Variants in PEMT observed in about 807,000 individuals in gnomAD.
The protein encoded by PEMT is phosphatidylethanolamine N-methyltransferase.
A neutral mutation model predicts 27.4 loss-of-function variants in PEMT; 23 were observed. The observed-to-expected ratio is 0.84, with a 90% CI of 0.60 to 1.19. PEMT has a LOEUF of 1.19. Among genes scored for constraint, PEMT ranks in the 50% most tolerant of loss-of-function variants. The pLI is 0.00. For missense variants in PEMT, 307 were observed against 310.1 expected (o/e 0.99, Z 0.07); for synonymous variants, 137 against 139.1 (o/e 0.98, Z 0.11).
chr17:17,541,862 G>T (rs1908910578), intron 2 of PEMT, among the ~76,000 whole-genome samples: 1 of 152,232 alleles, frequency 6.6e-6, no homozygotes, highest in African/African-American at 2.4e-5. Flanking sequence ...TGGCCCCAAG[G>T]CTAAAACGAC....
intron 2 of PEMT, among the ~76,000 whole-genome samples, chr17:17,543,140 C>T (rs565877192): frequency 3.3e-5 from 5 of 152,366 alleles, no homozygotes; most frequent in South Asian, 2.1e-4. Flanking sequence ...CATCTGCTTC[C>T]GATCCCCAGG....
intron 1 of PEMT, 110 bp downstream of exon 1, chr17:17,591,421 G>A (rs918054647): frequency 8.8e-6 from 8 of 906,266 alleles, no homozygotes; most frequent in African/African-American, 8.6e-5. Flanking sequence ...CCCATTGCCT[G>A]GGAACTGGCG....
chr17:17,522,149 G>A lies in PEMT; in HGVS notation c.320+131C>T, dbSNP rs1163709334. On this transcript the variant is annotated intron_variant, in intron 3 of 6. Transcript: ENST00000255389. ...AGGGGTAGGGTGGCTTGCTGTGGCA[G>A]GTGGCTTTGAGAGCTAACCCCTGAG... The A allele has an allele frequency of 1.4e-5, 9 of 664,822 alleles. No individual in the cohort carries two copies. In the Admixed American group the frequency reaches 1.7e-4, roughly 12 times the overall value. The allele number at this position is 664,822 out of a possible 1,614,324, so 41.2% of individuals were successfully genotyped here.
At chr17:17,556,401 T>C (rs1910057364) in intron 2 of PEMT, among the ~76,000 whole-genome samples, 1 of 150,508 alleles carries the variant, frequency 6.6e-6, no homozygotes, top group Non-Finnish European at 1.5e-5. Flanking sequence ...TTAGACGGAG[T>C]CTCGCTCTGT....
In PEMT at chr17:17,522,363, C is replaced by T. The variant is rs144611285; in HGVS notation, c.237G>A (p.Leu79=). Residue 79 remains leucine (L), a synonymous_variant, in exon 3 of 7, where the codon CTG becomes CTA. Transcript: ENST00000255389. ...VARWEHKTRK[L]SRAFGSPYLA... ...GGTAGGGGGATCCGAAGGCCCTGCTCAGCTTGCGGGTCTTGTGTTCCCATC... is the reference window on the plus strand; with the variant it reads ...GGTAGGGGGATCCGAAGGCCCTGCTTAGCTTGCGGGTCTTGTGTTCCCATC... The T allele has an allele frequency of 1.9e-6, 3 of 1,613,524 alleles. No homozygotes were observed. Among genetic ancestry groups the T allele is most frequent in the African/African-American group, 1.3e-5 (1 of 74,790 alleles).
At chr17:17,565,753 G>C (rs1910787346) in intron 2 of PEMT, among the ~76,000 whole-genome samples, 1 of 152,252 alleles carries the variant, frequency 6.6e-6, no homozygotes, top group African/African-American at 2.4e-5. Flanking sequence ...AGAGAAAGGG[G>C]CCGCCAGCTA....
In PEMT at chr17:17,512,503, T is replaced by C; in HGVS notation, c.466+6A>G. The C allele has an allele frequency of 2.5e-6, 4 of 1,586,226 alleles. No homozygotes were observed. Among genetic ancestry groups the C allele is most frequent in the East Asian group, 2.3e-5 (1 of 43,412 alleles). ...CTCAGGGTCACCCCAGCCCTCAGGG[T>C]CTTACCTAGGAAAGTTCCAGCGAAC... On this transcript the variant is annotated splice_donor_region_variant and intron_variant, in intron 4 of 6. Coordinates refer to ENST00000255389, the MANE Select transcript of PEMT (RefSeq NM_148172.3). The surrounding 1 kb of genome is among the most constrained non-coding windows in gnomAD (Gnocchi z 6.3).
intron 1 of PEMT, among the ~76,000 whole-genome samples, chr17:17,588,730 C>T (rs1199952482): frequency 6.6e-6 from 1 of 152,220 alleles, no homozygotes; most frequent in Non-Finnish European, 1.5e-5. Context: ...CTAGGCCCTA[C>T]TGGAGTCATC....
intron 3 of PEMT, among the ~76,000 whole-genome samples, chr17:17,516,123 C>T (rs980032547): frequency 2.0e-5 from 3 of 152,144 alleles, no homozygotes; most frequent in Non-Finnish European, 4.4e-5. Context: ...GTCTCCGCAA[C>T]GTCGTCCACA....
rs922133460 is a variant in PEMT, at chr17:17,582,686, G to A, written c.97-5659C>T. ...GGCACCATAAGCTGACTCGGGTAACGTTTATTTAGGGCAACTTTGGGTTAG... is the reference window on the plus strand; with the variant it reads ...GGCACCATAAGCTGACTCGGGTAACATTTATTTAGGGCAACTTTGGGTTAG... On this transcript the variant is annotated intron_variant, in intron 1 of 6. Coordinates refer to ENST00000255389, the MANE Select transcript of PEMT (RefSeq NM_148172.3). This position sits in a 1 kb window ranked among gnomAD's most constrained non-coding sequence, Gnocchi z 4.9. 3.3e-5 allele frequency among the ~76,000 whole-genome samples: 5 copies of A among 152,198 alleles called. No homozygotes were observed. The highest frequency in any genetic ancestry group is 7.3e-5 in the Non-Finnish European group (5 of 68,040).
At chr17:17,591,308 C>T (rs889019858) in intron 1 of PEMT, 8 of 550,372 alleles carry the variant, frequency 1.5e-5, no homozygotes, top group Admixed American at 6.7e-5. Context: ...GCCCCCGTCT[C>T]TGACACACGC....
intron 3 of PEMT, chr17:17,518,266 C>A: frequency 1.8e-6 from 1 of 570,678 alleles, no homozygotes; most frequent in African/African-American, 2.0e-5. Context: ...CCGTTCGAGC[C>A]CTGCCTGGCC....
At chr17:17,519,862 A>G (rs1597881822) in intron 3 of PEMT, among the ~76,000 whole-genome samples, 1 of 152,322 alleles carries the variant, frequency 6.6e-6, no homozygotes, top group African/African-American at 2.4e-5. Context: ...GGCTCCATCA[A>G]GGCAGCTGCC....
intron 2 of PEMT, 125 bp from the exon 3 acceptor site, chr17:17,522,520 A>G: frequency 1.5e-6 from 1 of 671,882 alleles, no homozygotes; most frequent in Non-Finnish European, 2.7e-6. Context: ...AAGAAGAATT[A>G]CACGGGAGCA....
At chr17:17,563,394 C>T (rs926121300) in intron 2 of PEMT, among the ~76,000 whole-genome samples, 1 of 152,108 alleles carries the variant, frequency 6.6e-6, no homozygotes, top group African/African-American at 2.4e-5. Context: ...CCGCAGGGGC[C>T]CCCTCTCAGC....
At chr17:17,550,428 G>C (rs1015929074) in intron 2 of PEMT, among the ~76,000 whole-genome samples, 1 of 152,200 alleles carries the variant, frequency 6.6e-6, no homozygotes, top group African/African-American at 2.4e-5. Flanking sequence ...TGGGTGTCAA[G>C]GGGTGTGTGC....
rs915792560 is a variant in PEMT, at chr17:17,576,886, C to T, written c.204+34G>A. Reference sequence around the variant, plus strand: ...GTGGGGCTCACCAAGCAGTGAGATACTCCCGTCTGGACAGTGTCAGGCACA... The same window carrying T: ...GTGGGGCTCACCAAGCAGTGAGATATTCCCGTCTGGACAGTGTCAGGCACA... On this transcript the variant is annotated intron_variant, in intron 2 of 6. Coordinates refer to ENST00000255389, the MANE Select transcript of PEMT (RefSeq NM_148172.3). 6 of 1,555,004 alleles carry T rather than the reference C, an allele frequency of 3.9e-6. No individual in the cohort carries two copies. The African/African-American group carries it at 8.1e-5, about 21-fold the overall frequency.
At chr17:17,539,471 T>C (rs774345584) in intron 2 of PEMT, among the ~76,000 whole-genome samples, 1 of 152,206 alleles carries the variant, frequency 6.6e-6, no homozygotes, top group African/African-American at 2.4e-5. Flanking sequence ...CATCCTGCAC[T>C]TGGTATGATG....
At position 17,522,339 on chromosome 17, in the gene PEMT, G is replaced by A. The variant is rs375331818; in HGVS notation, c.261C>T (p.Tyr87=). Residue 87 remains tyrosine, a synonymous_variant, in exon 3 of 7, where the codon TAC becomes TAT. Transcript: ENST00000255389. ...TGACGCTTAGAGAGTAGCAGGCCAG[G>A]TAGGGGGATCCGAAGGCCCTGCTCA... ...RKLSRAFGSP[Y]LACYSLSVTI... is the part of the protein sequence containing the mutation. 205 of 1,613,842 alleles carry A rather than the reference G, an allele frequency of 1.3e-4. No homozygotes were observed. Among genetic ancestry groups the A allele is most frequent in the Non-Finnish European group, 1.7e-4 (196 of 1,179,946 alleles).
Sources: allele counts gnomAD v4.1 joint callset (sites outside exome capture counted in the v4.1 genomes callset), GRCh38; gene constraint gnomAD v4.1.1; non-coding constraint Gnocchi (gnomAD v3.1); transcripts MANE v1.5; gene names NCBI Gene and HGNC (gene_info 2026-07-23, HGNC 2026-07-21).